The following CLYBL variants were observed in gnomAD, a reference collection of about 807,000 sequenced individuals.
The protein encoded by CLYBL is citramalyl-CoA lyase, mitochondrial.
A neutral mutation model predicts 38.9 loss-of-function variants in CLYBL; 31 were observed. The ratio of observed to expected loss-of-function variants is 0.80; its 90% confidence interval spans 0.60 to 1.08. The LOEUF is 1.08. CLYBL is among the 50% of genes least tolerant of loss of function. CLYBL has a pLI of 0.00. For synonymous variants in CLYBL, 171 were observed against 158.6 expected (o/e 1.08, Z -0.59); for missense variants, 434 against 411.6 (o/e 1.05, Z -0.47).
intron 1 of CLYBL, among the ~76,000 whole-genome samples, chr13:99,698,844 T>C (rs1407112813): frequency 6.6e-6 from 1 of 152,252 alleles, no homozygotes; most frequent in Non-Finnish European, 1.5e-5. Context: ...ATATTATTAC[T>C]GTGTGTCAGC....
At chr13:99,858,395 T>TTC (rs1286178670) in intron 2 of CLYBL, among the ~76,000 whole-genome samples, 2 of 152,012 alleles carry the variant, frequency 1.3e-5, no homozygotes, top group Non-Finnish European at 2.9e-5. Flanking sequence ...AAAAGAAAAA[T>TTC]CCTTATTTTT....
intron 2 of CLYBL, among the ~76,000 whole-genome samples, chr13:99,777,445 A>C (rs1302392481): frequency 6.6e-6 from 1 of 152,050 alleles, no homozygotes; most frequent in Non-Finnish European, 1.5e-5. Flanking sequence ...AACTGTTGGA[A>C]ATACAAAAAT....
chr13:99,789,102 G>T (rs2138879086), intron 2 of CLYBL, among the ~76,000 whole-genome samples: 1 of 151,734 alleles, frequency 6.6e-6, no homozygotes, highest in Non-Finnish European at 1.5e-5. Flanking sequence ...TTTCTTATTA[G>T]TCTTGCTAGC....
At chr13:99,904,516 T>C (rs9557333) in intron 8 of CLYBL, among the ~76,000 whole-genome samples, 34,582 of 152,138 alleles carry the variant, frequency 0.23, 4,275 homozygotes, top group South Asian at 0.44. Flanking sequence ...CCCTGAATGA[T>C]TGCAGAAGAG....
chr13:99,837,868 G>GAGAC (rs1241256291), intron 2 of CLYBL, among the ~76,000 whole-genome samples: 1 of 152,216 alleles, frequency 6.6e-6, no homozygotes, highest in Non-Finnish European at 1.5e-5. Flanking sequence ...AAGAAGAGTG[G>GAGAC]AGACAGAAAT....
At chr13:99,720,102 TAA>T (rs2048372952) in intron 1 of CLYBL, among the ~76,000 whole-genome samples, 1 of 151,854 alleles carries the variant, frequency 6.6e-6, no homozygotes, top group Admixed American at 6.5e-5. Context: ...TTATTTTTTT[TAA>T]GTTTTATTTA....
At chr13:99,644,284 G>T (rs1418997518) in intron 1 of CLYBL, among the ~76,000 whole-genome samples, 1 of 151,610 alleles carries the variant, frequency 6.6e-6, no homozygotes, top group African/African-American at 2.4e-5. Flanking sequence ...ATGTATGCAT[G>T]TGCAAGCTCT....
chr13:99,818,446 A>AAC (rs57249330), intron 2 of CLYBL, among the ~76,000 whole-genome samples: 7,413 of 143,240 alleles, frequency 0.052, 223 homozygotes, highest in Middle Eastern at 0.094. Context: ...TGGAGCAGAA[A>AAC]ACACACACAC....
At chr13:99,681,439 C>G (rs1027930763) in intron 1 of CLYBL, among the ~76,000 whole-genome samples, 2 of 152,058 alleles carry the variant, frequency 1.3e-5, no homozygotes, top group Non-Finnish European at 2.9e-5. Flanking sequence ...ATCTACCTAT[C>G]TATATCTGTA....
In CLYBL at chr13:99,789,580, T is replaced by C. The variant is rs551188967; in HGVS notation, c.249+16570T>C. On this transcript the variant is annotated intron_variant, in intron 2 of 8. Transcript: ENST00000339105. Reference sequence around the variant, plus strand: ...GTGAGAGACAGTTTGTTATAATTTCTGTTCTTTGACATTTGCTGAGGAGTG... The same window carrying C: ...GTGAGAGACAGTTTGTTATAATTTCCGTTCTTTGACATTTGCTGAGGAGTG... 4.6e-5 allele frequency among the ~76,000 whole-genome samples: 7 copies of C among 152,366 alleles called. No homozygotes were observed. In the South Asian group the frequency reaches 8.3e-4, roughly 18 times the overall value.
intron 1 of CLYBL, among the ~76,000 whole-genome samples, chr13:99,621,263 G>A (rs2046792067): frequency 6.6e-6 from 1 of 152,092 alleles, no homozygotes; most frequent in African/African-American, 2.4e-5. Flanking sequence ...AGTGTGGCAT[G>A]TACGCACCTC....
At chr13:99,882,200 A>G (rs2052228180) in intron 7 of CLYBL, among the ~76,000 whole-genome samples, 1 of 152,166 alleles carries the variant, frequency 6.6e-6, no homozygotes, top group African/African-American at 2.4e-5. Context: ...TTGGGTTACA[A>G]TGATTAATAA....
intron 7 of CLYBL, among the ~76,000 whole-genome samples, chr13:99,885,403 CAGG>C (rs1172906083): frequency 7.2e-5 from 11 of 152,182 alleles, no homozygotes; most frequent in Non-Finnish European, 5.9e-5. Context: ...AGGGGACTGG[CAGG>C]AGATGAGGCT....
intron 1 of CLYBL, among the ~76,000 whole-genome samples, chr13:99,621,626 T>G (rs1366683049): frequency 1.3e-5 from 2 of 152,214 alleles, no homozygotes; most frequent in Non-Finnish European, 2.9e-5. Flanking sequence ...TTGTAACAGA[T>G]TATCGCAAAC....
chr13:99,893,578 TCTAA>T (rs1328342053), downstream of CLYBL: 3 of 152,410 alleles, frequency 2.0e-5, no homozygotes, highest in Non-Finnish European at 4.4e-5. Flanking sequence ...CTCACCCCAA[TCTAA>T]CTAACCTTCC....
intron 1 of CLYBL, among the ~76,000 whole-genome samples, chr13:99,704,621 G>A (rs533430356): frequency 2.6e-5 from 4 of 152,198 alleles, no homozygotes; most frequent in Non-Finnish European, 5.9e-5. Flanking sequence ...TACTTTCTAT[G>A]AGCCAGGTGC....
intron 1 of CLYBL, among the ~76,000 whole-genome samples, chr13:99,713,715 G>C (rs568606732): frequency 1.3e-5 from 2 of 151,930 alleles, no homozygotes; most frequent in Non-Finnish European, 2.9e-5. Flanking sequence ...AAAGGGTCTT[G>C]CTCTGTTGCC....
intron 2 of CLYBL, among the ~76,000 whole-genome samples, chr13:99,802,454 TG>T (rs201294928): frequency 6.6e-6 from 1 of 151,996 alleles, no homozygotes; most frequent in South Asian, 2.1e-4. Context: ...TCACTTATTT[TG>T]GGGGGGTCCA....
At chr13:99,835,311 C>A (rs2050910385) in intron 2 of CLYBL, among the ~76,000 whole-genome samples, 1 of 152,174 alleles carries the variant, frequency 6.6e-6, no homozygotes, top group African/African-American at 2.4e-5. Context: ...TGGTCCAAGG[C>A]AGGTGGGAAG....
Sources: allele counts gnomAD v4.1 joint callset (sites outside exome capture counted in the v4.1 genomes callset), GRCh38; gene constraint gnomAD v4.1.1; transcripts MANE v1.5; gene names NCBI Gene and HGNC (gene_info 2026-07-23, HGNC 2026-07-21).